SRP9: variants seen among roughly 807,000 people sequenced by gnomAD.
The protein encoded by SRP9 is signal recognition particle 9, also known as signal recognition particle 9 kDa protein.
Under a neutral mutation model 11.7 loss-of-function variants are expected in SRP9, and 2 were observed. That is an observed-to-expected ratio of 0.17 (90% confidence interval 0.07 to 0.54). The LOEUF (loss-of-function observed/expected upper bound fraction) is 0.54, where lower values mean the gene tolerates loss of function less well. Ranked by LOEUF, SRP9 falls within the 20% of genes least tolerant of loss-of-function variation. SRP9 has a pLI of 0.94. For synonymous variants in SRP9, 27 were observed against 35.6 expected, an observed-to-expected ratio of 0.76 and a Z score of 0.86; for missense variants, 54 against 108.1, an observed-to-expected ratio of 0.50 and a Z score of 2.22.
At chr1:225,778,897 G>A (rs1159128088) in intron 1 of SRP9, among the ~76,000 whole-genome samples, 1 of 152,204 alleles carries the variant, frequency 6.6e-6, no homozygotes, top group Non-Finnish European at 1.5e-5. Context: ...TTTTGTGTTT[G>A]TTGTAACTCA....
chr1:225,781,395 CTTTTTTTTT>C (rs11315558), intron 1 of SRP9, among the ~76,000 whole-genome samples: 10 of 87,828 alleles, frequency 1.1e-4, no homozygotes, highest in South Asian at 9.0e-4. Context: ...TTTTCTTTTT[CTTTTTTTTT>C]TTTTTTTTTT....
intron 1 of SRP9, 72 bp downstream of exon 1, chr1:225,778,084 G>T: frequency 6.4e-7 from 1 of 1,556,886 alleles, no homozygotes; most frequent in Non-Finnish European, 8.8e-7. Context: ...TCGGCCCCTG[G>T]AGCTTCCCCA....
chr1:225,784,957 T>C (rs1665875151), intron 2 of SRP9, among the ~76,000 whole-genome samples: 1 of 152,148 alleles, frequency 6.6e-6, no homozygotes, highest in African/African-American at 2.4e-5. Flanking sequence ...AAAAATTTTT[T>C]TAGAGACAGG....
chr1:225,778,059 C>T (rs1286102984), intron 1 of SRP9, 47 bp downstream of exon 1: 1 of 1,606,824 alleles, frequency 6.2e-7, no homozygotes, highest in South Asian at 1.1e-5. Flanking sequence ...CCCAGGATGT[C>T]TTCCCGCCAT....
chr1:225,780,865 T>G (rs1006986897), intron 1 of SRP9, among the ~76,000 whole-genome samples: 3 of 152,244 alleles, frequency 2.0e-5, no homozygotes, highest in African/African-American at 7.2e-5. Context: ...ATAACCTCTT[T>G]GTTGGTCTGT....
At chr1:225,788,919 G>A (rs984501955) in intron 2 of SRP9, 7 of 1,353,804 alleles carry the variant, frequency 5.2e-6, no homozygotes, top group Non-Finnish European at 6.9e-6. Context: ...CTAATTCGAA[G>A]GAAGAAAATA....
chr1:225,790,324 A>C lies in SRP9; in HGVS notation c.*965A>C, dbSNP rs1666003746. ...CTAAATGTAATGTTGATTCCTCAAG[A>C]ATGAAATGAAGGCACTACATTGAAA... On this transcript the variant is annotated 3_prime_UTR_variant, in exon 3 of 3. Transcript: ENST00000304786. 6.6e-6 allele frequency: 1 copy of C among 152,264 alleles called. No individual in the cohort carries two copies. Among genetic ancestry groups the C allele is most frequent in the African/African-American group, 2.4e-5 (1 of 41,476 alleles). 9.4% of individuals were successfully genotyped at this position (152,264 alleles called of 1,614,324 possible).
chr1:225,788,351 A>G (rs1398825086), intron 2 of SRP9, among the ~76,000 whole-genome samples: 2 of 150,970 alleles, frequency 1.3e-5, no homozygotes, highest in Non-Finnish European at 2.9e-5. Flanking sequence ...GCACCACTAC[A>G]CCCCCAACCT....
At chr1:225,785,987 C>CA (rs1665902668) in intron 2 of SRP9, among the ~76,000 whole-genome samples, 1 of 152,226 alleles carries the variant, frequency 6.6e-6, no homozygotes, top group South Asian at 2.1e-4. Flanking sequence ...CGCCCAGCCC[C>CA]AGAGTGATTT....
intron 1 of SRP9, among the ~76,000 whole-genome samples, chr1:225,780,036 A>G (rs1575950903): frequency 6.6e-6 from 1 of 152,230 alleles, no homozygotes; most frequent in East Asian, 1.9e-4. Context: ...CCTCTTACCC[A>G]GTCAGAAAAT....
chr1:225,781,111 T>C (rs1053601106), intron 1 of SRP9, among the ~76,000 whole-genome samples: 5 of 152,232 alleles, frequency 3.3e-5, no homozygotes, highest in African/African-American at 7.2e-5. Context: ...TTAGCCTTTC[T>C]TCTGCCTTCT....
At chr1:225,779,167 C>G (rs1409017855) in intron 1 of SRP9, among the ~76,000 whole-genome samples, 4 of 144,654 alleles carry the variant, frequency 2.8e-5, no homozygotes, top group Non-Finnish European at 6.0e-5. Flanking sequence ...TTTTTTGAGA[C>G]GAAATCTCGC....
At chr1:225,785,700 A>T (rs1193899075) in intron 2 of SRP9, among the ~76,000 whole-genome samples, 5 of 83,158 alleles carry the variant, frequency 6.0e-5, no homozygotes, top group East Asian at 5.4e-4. Flanking sequence ...TTTTTTTTTT[A>T]AAGAAGGAGT....
chr1:225,779,641 C>T (rs1441935871), intron 1 of SRP9, among the ~76,000 whole-genome samples: 1 of 152,190 alleles, frequency 6.6e-6, no homozygotes, highest in South Asian at 2.1e-4. Flanking sequence ...AAAGACCTAG[C>T]TAAGTAACAA....
At chr1:225,784,473 T>C (rs1223735339) in intron 2 of SRP9, among the ~76,000 whole-genome samples, 1 of 150,402 alleles carries the variant, frequency 6.6e-6, no homozygotes, top group African/African-American at 2.4e-5. Context: ...ATGATCTGGA[T>C]CTCCTGACCT....
At chr1:225,785,729 C>T (rs113010675) in intron 2 of SRP9, among the ~76,000 whole-genome samples, 1 of 145,756 alleles carries the variant, frequency 6.9e-6, no homozygotes. Flanking sequence ...ATTACCCAGA[C>T]TGGAGTGCAA....
At chr1:225,787,314 C>G (rs938891411) in intron 2 of SRP9, among the ~76,000 whole-genome samples, 1 of 152,084 alleles carries the variant, frequency 6.6e-6, no homozygotes. Context: ...GTGGGCGGAT[C>G]ATGAGGTCAG....
rs1474512576 is a variant in SRP9, at chr1:225,790,442, TAAATA to T, written c.*1089_*1093del. The T allele has an allele frequency of 2.0e-5, 3 of 152,260 alleles. No individual in the cohort carries two copies. The highest frequency in any genetic ancestry group is 6.5e-5 in the Admixed American group (1 of 15,284). The allele number at this position is 152,260 out of a possible 1,614,324, so 9.4% of individuals were successfully genotyped here. ...TTTTGGCATGTTTCAGAGAGATCAG[TAAATA>T]AAATATTAGATAAAATATATATTGT... On this transcript the variant is annotated 3_prime_UTR_variant, in exon 3 of 3. Coordinates refer to ENST00000304786, the MANE Select transcript of SRP9 (RefSeq NM_003133.6).
In SRP9 at chr1:225,784,229, C is replaced by CTTTT. The variant is rs561503475; in HGVS notation, c.141+893_141+896dup. On this transcript the variant is annotated intron_variant, in intron 2 of 2. Coordinates refer to ENST00000304786, the MANE Select transcript of SRP9 (RefSeq NM_003133.6). ...TCTACAGTGGAGTTTATCACCTGTT[C>CTTTT]TTTTTTTTTTTTTTTTTTTTTTTTT... is the stretch of plus-strand genomic sequence containing the variant. Among the ~76,000 whole-genome samples the CTTTT allele has an allele frequency of 5.0e-3, 172 of 34,474 alleles. 16 individuals carry two copies. Among genetic ancestry groups the CTTTT allele is most frequent in the Non-Finnish European group, 5.5e-3 (109 of 19,856 alleles). 22.6% of individuals were successfully genotyped at this position (34,474 alleles called of 152,430 possible). A position where few individuals can be genotyped will look rare whatever the true frequency, so the allele number is the denominator to read the frequency against.
Sources: gnomAD v4.1 joint callset for allele counts (sites outside exome capture counted in the v4.1 genomes callset) on GRCh38, gnomAD v4.1.1 for gene constraint, MANE v1.5 for transcripts, NCBI Gene and HGNC (gene_info 2026-07-23, HGNC 2026-07-21) for gene names.